PKD1L1: variants seen among roughly 807,000 people sequenced by gnomAD.
The protein encoded by PKD1L1 is polycystin-1-like protein 1.
Under a neutral mutation model 323.4 loss-of-function variants are expected in PKD1L1, and 236 were observed. The observed-to-expected ratio is 0.73, with a 90% confidence interval of 0.66 to 0.81. The LOEUF is 0.81. Among genes scored for constraint, PKD1L1 ranks in the 40% least tolerant of loss-of-function variants. The probability of loss-of-function intolerance (pLI) is 0.00; values close to 1 mark genes in which losing one functional copy is unlikely to be tolerated. For missense variants in PKD1L1, 3,320 were observed against 3,508.0 expected, an observed-to-expected ratio of 0.95 and a Z score of 1.35; for synonymous variants, 1,344 against 1,335.0, an observed-to-expected ratio of 1.01 and a Z score of -0.15.
At chr7:47,931,662 C>T (rs1439009748) in intron 5 of PKD1L1, among the ~76,000 whole-genome samples, 1 of 152,248 alleles carries the variant, frequency 6.6e-6, no homozygotes. Flanking sequence ...ATAAGGTCAT[C>T]TATAACTCTA....
At chr7:47,934,572 T>A (rs1359610401) in intron 4 of PKD1L1, among the ~76,000 whole-genome samples, 4 of 152,214 alleles carry the variant, frequency 2.6e-5, no homozygotes, top group Non-Finnish European at 2.9e-5. Flanking sequence ...AATGTAGTGA[T>A]TTTCTTTAGG....
rs775501423 is a variant in PKD1L1 at position 47,853,123 on chromosome 7, T to G, written c.4960+4A>C. ...AGGGAAAATAAGGCGCCCTGTTCAC[T>G]GACCTTTCTGAGAAGCAGCAGGTAT... is the stretch of plus-strand genomic sequence containing the variant. On this transcript the variant is annotated splice_donor_region_variant and intron_variant, in intron 31 of 56. Transcript: ENST00000289672. 7 of 1,600,700 alleles carry G rather than the reference T, an allele frequency of 4.4e-6. No individual in the cohort carries two copies. The highest frequency in any genetic ancestry group is 6.0e-6 in the Non-Finnish European group (7 of 1,167,848).
chr7:47,866,693 G>A, intron 24 of PKD1L1, 79 bp from the exon 25 acceptor site: 1 of 1,258,922 alleles, frequency 7.9e-7, no homozygotes. Context: ...GAGTGGGATG[G>A]GATTTGTTGC....
chr7:47,876,816 G>C (rs1786414952), intron 22 of PKD1L1, among the ~76,000 whole-genome samples: 2 of 151,956 alleles, frequency 1.3e-5, no homozygotes, highest in South Asian at 4.2e-4. Context: ...GTCTCACACT[G>C]TCTCCCAGGC....
chr7:47,890,714 C>A lies in PKD1L1; in HGVS notation c.2503G>T (p.Asp835Tyr), dbSNP rs759931477. 10 of 1,613,184 alleles carry A rather than the reference C, an allele frequency of 6.2e-6. No individual in the cohort carries two copies. Among genetic ancestry groups the A allele is most frequent in the Non-Finnish European group, 8.5e-6 (10 of 1,180,032 alleles). Residue 835 changes from aspartate to tyrosine, a missense_variant, in exon 16 of 57, where the codon GAC becomes TAC. Asp to Tyr is a radical substitution (Grantham distance 160). Coordinates refer to ENST00000289672, the MANE Select transcript of PKD1L1 (RefSeq NM_138295.5). ...TAGSPAHPCFDSSTAHQLDAA... is the reference protein window; with the variant it reads ...TAGSPAHPCFYSSTAHQLDAA... ...TCCAGTTGGTGTGCAGTGGAGGAGTCGAAGCAGGGATGTGCTGGGGAGCCA... is the reference window on the plus strand; with the variant it reads ...TCCAGTTGGTGTGCAGTGGAGGAGTAGAAGCAGGGATGTGCTGGGGAGCCA...
chr7:47,879,386 T>C (rs78240357), intron 21 of PKD1L1, among the ~76,000 whole-genome samples: 54,590 of 151,658 alleles, frequency 0.36, 11,106 homozygotes, highest in African/African-American at 0.56. Flanking sequence ...TCAGCACTTG[T>C]GGAGGCCAAG....
chr7:47,915,671 C>T, intron 7 of PKD1L1, 72 bp from the exon 8 acceptor site: 1 of 960,854 alleles, frequency 1.0e-6, no homozygotes, highest in Non-Finnish European at 1.5e-6. Context: ...GTGGAATAAA[C>T]AAAATCTGAA....
intron 55 of PKD1L1, among the ~76,000 whole-genome samples, chr7:47,794,935 C>G (rs1784485032): frequency 6.6e-6 from 1 of 152,118 alleles, no homozygotes; most frequent in South Asian, 2.1e-4. Context: ...CCATTTGGAA[C>G]AGTTGTATTT....
chr7:47,945,166 C>A (rs966090429), intron 1 of PKD1L1, among the ~76,000 whole-genome samples: 2 of 152,150 alleles, frequency 1.3e-5, no homozygotes, highest in Non-Finnish European at 2.9e-5. Context: ...TAGAAAGGGC[C>A]GCCCTGTATT....
At chr7:47,873,821 TAACAA>T in intron 24 of PKD1L1, 73 bp downstream of exon 24, 1 of 1,111,558 alleles carries the variant, frequency 9.0e-7, no homozygotes, top group South Asian at 1.5e-5. Context: ...TGACGCTTGT[TAACAA>T]CTTGGGGGAG....
intron 23 of PKD1L1, 89 bp from the exon 24 acceptor site, chr7:47,874,099 C>G: frequency 1.2e-6 from 1 of 808,492 alleles, no homozygotes; most frequent in Non-Finnish European, 2.0e-6. Flanking sequence ...TTCTGGATGA[C>G]TAAAACTGTG....
intron 7 of PKD1L1, among the ~76,000 whole-genome samples, chr7:47,924,450 T>C (rs1227860900): frequency 6.6e-6 from 1 of 152,212 alleles, no homozygotes; most frequent in African/African-American, 2.4e-5. Context: ...ACAATAGTGA[T>C]GTTATTTACA....
At chr7:47,881,615 C>T (rs1786555031) in intron 20 of PKD1L1, among the ~76,000 whole-genome samples, 1 of 152,168 alleles carries the variant, frequency 6.6e-6, no homozygotes, top group Non-Finnish European at 1.5e-5. Flanking sequence ...AAAAGGCTGT[C>T]ACAGAAAAGG....
At chr7:47,908,284 A>G (rs1787251115) in intron 8 of PKD1L1, 34 bp from the exon 9 acceptor site, 1 of 1,576,926 alleles carries the variant, frequency 6.3e-7, no homozygotes, top group Admixed American at 1.7e-5. Flanking sequence ...CACTTGATGA[A>G]TTTTTAATAA....
chr7:47,888,445 A>G (rs945472184), intron 16 of PKD1L1, among the ~76,000 whole-genome samples: 2 of 152,226 alleles, frequency 1.3e-5, no homozygotes, highest in Admixed American at 6.5e-5. Flanking sequence ...GTGAGGGCAG[A>G]GCTGGGCCTG....
chr7:47,941,129 A>AC (rs1309840559), intron 2 of PKD1L1, among the ~76,000 whole-genome samples: 1 of 152,064 alleles, frequency 6.6e-6, no homozygotes, highest in Non-Finnish European at 1.5e-5. Flanking sequence ...TGAAGCCCCC[A>AC]CCCCTCTCAT....
At chr7:47,891,756 C>T (rs1436948241) in intron 15 of PKD1L1, among the ~76,000 whole-genome samples, 1 of 152,208 alleles carries the variant, frequency 6.6e-6, no homozygotes, top group African/African-American at 2.4e-5. Context: ...TCAGCAGCCA[C>T]ACATGGAGCT....
At chr7:47,775,807 T>C (rs1331909494) in intron 56 of PKD1L1, among the ~76,000 whole-genome samples, 2 of 129,272 alleles carry the variant, frequency 1.5e-5, no homozygotes, top group African/African-American at 5.6e-5. Context: ...ACCAGTGCTG[T>C]AGATAACAGA....
At chr7:47,857,165 C>T (rs891277563) in intron 28 of PKD1L1, among the ~76,000 whole-genome samples, 2 of 152,224 alleles carry the variant, frequency 1.3e-5, no homozygotes, top group Admixed American at 1.3e-4. Flanking sequence ...GGGGGGTAAG[C>T]ACTGCCATGT....
Sources: gnomAD v4.1 joint callset for allele counts (sites outside exome capture counted in the v4.1 genomes callset) on GRCh38, gnomAD v4.1.1 for gene constraint, MANE v1.5 for transcripts, NCBI Gene and HGNC (gene_info 2026-07-23, HGNC 2026-07-21) for gene names.